PRKN: variants seen among roughly 807,000 people sequenced by gnomAD.
PRKN encodes the protein parkin RBR E3 ubiquitin protein ligase, also known as E3 ubiquitin-protein ligase parkin.
PRKN carries 56 observed loss-of-function variants against 59.5 expected under a neutral mutation model. The observed-to-expected ratio is 0.94, with a 90% CI of 0.76 to 1.18. PRKN has a LOEUF of 1.18. Ranked by LOEUF, PRKN falls within the 50% of genes most tolerant of loss-of-function variation. The pLI, the probability that PRKN is intolerant of heterozygous loss-of-function variation, is 0.00. For synonymous variants in PRKN, 250 were observed against 222.1 expected (o/e 1.13, Z -1.12); for missense variants, 657 against 596.4 (o/e 1.10, Z -1.06).
At chr6:161,771,521 C>T (rs1789695298) in intron 7 of PRKN, among the ~76,000 whole-genome samples, 1 of 152,100 alleles carries the variant, frequency 6.6e-6, no homozygotes, top group Non-Finnish European at 1.5e-5. Context: ...CTTATTCCTC[C>T]TTCCTTGTGT....
intron 5 of PRKN, among the ~76,000 whole-genome samples, chr6:162,000,435 T>C (rs528753639): frequency 1.9e-4 from 29 of 152,142 alleles, no homozygotes; most frequent in Admixed American, 1.3e-3. Flanking sequence ...ATATGCTTAC[T>C]TGCCATGTTT....
rs184389806 is a variant in PRKN at position 161,488,455 on chromosome 6, A to T, written c.1083+60399T>A. 1.5e-3 allele frequency among the ~76,000 whole-genome samples: 229 copies of T among 152,354 alleles called. 1 individual carries two copies. The highest frequency in any genetic ancestry group is 2.8e-3 in the Non-Finnish European group (191 of 68,040). On this transcript the variant is annotated intron_variant, in intron 9 of 11. Coordinates refer to ENST00000366898, the MANE Select transcript of PRKN (RefSeq NM_004562.3). The surrounding 1 kb of genome is among the most constrained non-coding windows in gnomAD (Gnocchi z 4.5). ...ATGTTCACAGAGGAGCAGAGAAGATAACAGAGACCGAGAAGGACATCTGAA... is the reference window on the plus strand; with the variant it reads ...ATGTTCACAGAGGAGCAGAGAAGATTACAGAGACCGAGAAGGACATCTGAA...
chr6:162,713,520 G>T (rs1395065260), intron 1 of PRKN, among the ~76,000 whole-genome samples: 3 of 143,908 alleles, frequency 2.1e-5, no homozygotes, highest in African/African-American at 7.8e-5. Context: ...AAAAAATTAG[G>T]TCTCTTTTGC....
At chr6:162,178,932 T>C (rs561041512) in intron 4 of PRKN, among the ~76,000 whole-genome samples, 1 of 152,286 alleles carries the variant, frequency 6.6e-6, no homozygotes, top group South Asian at 2.1e-4. Flanking sequence ...GTGCAAGTGG[T>C]GCGATCACAG....
intron 6 of PRKN, among the ~76,000 whole-genome samples, chr6:161,874,940 T>A (rs1794642821): frequency 1.2e-5 from 1 of 85,448 alleles, no homozygotes; most frequent in Non-Finnish European, 1.9e-5. Flanking sequence ...TATAATATAA[T>A]ATATTATAGG....
chr6:162,073,929 A>G (rs1046668705), intron 4 of PRKN, among the ~76,000 whole-genome samples: 7 of 152,192 alleles, frequency 4.6e-5, no homozygotes, highest in Non-Finnish European at 1.0e-4. Context: ...AATCACAATG[A>G]GATACCATCT....
chr6:162,450,998 G>A (rs1790598656), intron 1 of PRKN, among the ~76,000 whole-genome samples: 1 of 152,078 alleles, frequency 6.6e-6, no homozygotes, highest in Non-Finnish European at 1.5e-5. Context: ...ATCTTTTTCT[G>A]TAAAACTAAA....
chr6:162,412,542 A>G (rs1788403831), intron 2 of PRKN, among the ~76,000 whole-genome samples: 1 of 152,076 alleles, frequency 6.6e-6, no homozygotes, highest in African/African-American at 2.4e-5. Flanking sequence ...TTTCCATGGA[A>G]TTCCAGCAAT....
chr6:161,571,810 A>T (rs919744222), intron 7 of PRKN, among the ~76,000 whole-genome samples: 9 of 152,180 alleles, frequency 5.9e-5, no homozygotes, highest in African/African-American at 2.2e-4. Context: ...CACTCTCAGC[A>T]ATGTGGGCAG....
At chr6:162,267,009 C>A (rs919426957) in intron 2 of PRKN, among the ~76,000 whole-genome samples, 2 of 152,080 alleles carry the variant, frequency 1.3e-5, no homozygotes, top group African/African-American at 4.8e-5. Context: ...CCTATATCAC[C>A]ATATAGCCAG....
intron 6 of PRKN, among the ~76,000 whole-genome samples, chr6:161,883,305 T>G (rs979723827): frequency 6.6e-6 from 1 of 151,822 alleles, no homozygotes; most frequent in African/African-American, 2.4e-5. Context: ...AGTTTGAGAC[T>G]AGCCTGGCCA....
intron 4 of PRKN, among the ~76,000 whole-genome samples, chr6:162,168,465 A>T (rs1783092087): frequency 6.8e-6 from 1 of 147,820 alleles, no homozygotes. Flanking sequence ...TGCATTATGC[A>T]TGGAACTTGT....
chr6:162,400,774 A>G (rs1787752743), intron 2 of PRKN, among the ~76,000 whole-genome samples: 1 of 152,170 alleles, frequency 6.6e-6, no homozygotes, highest in Admixed American at 6.5e-5. Flanking sequence ...CTTTTCTCAA[A>G]TGCTTATGGA....
Position 161,480,535 on chromosome 6 carries a change from T to C in PRKN, c.1083+68319A>G, listed in dbSNP as rs1236383416. On this transcript the variant is annotated intron_variant, in intron 9 of 11. Transcript: ENST00000366898. The surrounding 1 kb of genome is among the most constrained non-coding windows in gnomAD (Gnocchi z 4.1). ...GAGAGTTTGATTCCATTGGTATTAATAACACTGCGATGATGGGTCTTTTGT... is the reference window on the plus strand; with the variant it reads ...GAGAGTTTGATTCCATTGGTATTAACAACACTGCGATGATGGGTCTTTTGT... Among the ~76,000 whole-genome samples, 2 of 152,188 alleles carry C rather than the reference T, an allele frequency of 1.3e-5. No individual in the cohort carries two copies. The highest frequency in any genetic ancestry group is 4.8e-5 in the African/African-American group (2 of 41,442).
chr6:161,845,618 T>G (rs77930201), intron 6 of PRKN, among the ~76,000 whole-genome samples: 2,530 of 152,160 alleles, frequency 0.017, 77 homozygotes, highest in African/African-American at 0.059. Context: ...GATGAGAAAA[T>G]GAAGACCCTA....
In PRKN at chr6:161,851,420, T is replaced by C. The variant is rs552654388; in HGVS notation, c.735-65512A>G. Among the ~76,000 whole-genome samples, 103 of 152,260 alleles carry C rather than the reference T, an allele frequency of 6.8e-4. 4 individuals carry two copies. The South Asian group carries it at 0.021, about 30-fold the overall frequency. ...GCAGCACAAAAGAGAATAAGCCGAT[T>C]ACTATATTATGTTTCAGAAGCTTTT... On this transcript the variant is annotated intron_variant, in intron 6 of 11. Coordinates refer to ENST00000366898, the MANE Select transcript of PRKN (RefSeq NM_004562.3).
At position 161,580,116 on chromosome 6, in the gene PRKN, C is replaced by T. The variant is rs550114388; in HGVS notation, c.872-10700G>A. 9.2e-5 allele frequency among the ~76,000 whole-genome samples: 14 copies of T among 152,264 alleles called. No individual in the cohort carries two copies. The East Asian group carries it at 2.1e-3, about 23-fold the overall frequency. On this transcript the variant is annotated intron_variant, in intron 7 of 11. Coordinates refer to ENST00000366898, the MANE Select transcript of PRKN (RefSeq NM_004562.3). ...AAGACAACTAATAGCTTCTATGATG[C>T]GGGAAAACCCACACAGCTTTGAGTA...
intron 6 of PRKN, among the ~76,000 whole-genome samples, chr6:161,845,832 G>A (rs984432777): frequency 3.3e-5 from 5 of 152,292 alleles, no homozygotes; most frequent in African/African-American, 9.6e-5. Context: ...GAGGCTGCTG[G>A]TATTCACTGA....
intron 1 of PRKN, among the ~76,000 whole-genome samples, chr6:162,604,698 T>C (rs1373012821): frequency 1.4e-4 from 6 of 43,588 alleles, no homozygotes; most frequent in Non-Finnish European, 2.4e-4. Flanking sequence ...TTCTCTCTCC[T>C]TTTTTTTTTT....
Sources: allele counts gnomAD v4.1 joint callset (sites outside exome capture counted in the v4.1 genomes callset), GRCh38; gene constraint gnomAD v4.1.1; non-coding constraint Gnocchi (gnomAD v3.1); transcripts MANE v1.5; gene names NCBI Gene and HGNC (gene_info 2026-07-23, HGNC 2026-07-21).